ASH2L: variants seen among roughly 807,000 people sequenced by gnomAD.
The protein encoded by ASH2L is set1/Ash2 histone methyltransferase complex subunit ASH2.
Under a neutral mutation model 81.1 loss-of-function variants are expected in ASH2L, and 30 were observed. The observed-to-expected ratio is 0.37, with a 90% CI of 0.28 to 0.50. The LOEUF is 0.50. ASH2L is among the 20% of genes least tolerant of loss of function. ASH2L has a pLI of 0.95. For missense variants in ASH2L, 559 were observed against 792.1 expected (o/e 0.71, Z 3.53); for synonymous variants, 273 against 279.9 (o/e 0.98, Z 0.24).
intron 10 of ASH2L, among the ~76,000 whole-genome samples, chr8:38,126,800 G>A (rs1438549925): frequency 4.7e-5 from 7 of 149,464 alleles, no homozygotes; most frequent in Non-Finnish European, 3.0e-5. Context: ...CTTGCAGTGA[G>A]CAGAGATCGC....
intron 3 of ASH2L, among the ~76,000 whole-genome samples, chr8:38,107,713 A>G (rs1219435237): frequency 6.6e-6 from 1 of 151,990 alleles, no homozygotes; most frequent in Non-Finnish European, 1.5e-5. Context: ...TTTTCCTTAT[A>G]CTGACTGTCT....
intron 10 of ASH2L, among the ~76,000 whole-genome samples, chr8:38,127,619 G>T (rs1024560623): frequency 1.3e-5 from 2 of 151,188 alleles, no homozygotes; most frequent in Non-Finnish European, 2.9e-5. Flanking sequence ...GGTGGTGGGC[G>T]CCTGTAATCC....
chr8:38,107,183 G>C lies in ASH2L; in HGVS notation c.401+17G>C. On this transcript the variant is annotated intron_variant, in intron 3 of 15. Coordinates refer to ENST00000343823, the MANE Select transcript of ASH2L (RefSeq NM_004674.5). ...AGATACCTCGTGAGTACTTTTCATA[G>C]TTTTTGTGAGAATTGCTCGGTAAAA... is the stretch of plus-strand genomic sequence containing the variant. 2.5e-6 allele frequency: 4 copies of C among 1,612,050 alleles called. No homozygotes were observed. The highest frequency in any genetic ancestry group is 3.4e-6 in the Non-Finnish European group (4 of 1,178,158).
At chr8:38,123,082 C>CTTTTTTTT (rs59410420) in intron 10 of ASH2L, among the ~76,000 whole-genome samples, 12 of 100,912 alleles carry the variant, frequency 1.2e-4, no homozygotes, top group Admixed American at 1.4e-4. Context: ...TTCAGAATTT[C>CTTTTTTTT]TTTTTTTTTT....
chr8:38,125,331 G>A (rs1299856397), intron 10 of ASH2L, among the ~76,000 whole-genome samples: 1 of 151,964 alleles, frequency 6.6e-6, no homozygotes, highest in Non-Finnish European at 1.5e-5. Context: ...TAAAAATGCG[G>A]CTATTGGGGC....
chr8:38,108,921 A>T (rs976533372), intron 3 of ASH2L, among the ~76,000 whole-genome samples: 1 of 152,166 alleles, frequency 6.6e-6, no homozygotes. Flanking sequence ...CTCTACGAGA[A>T]ATAGAAAAAA....
rs377398123 is a variant in ASH2L at position 38,121,419 on chromosome 8, G to A, written c.1165+270G>A. 5.1e-5 allele frequency among the ~76,000 whole-genome samples: 7 copies of A among 138,176 alleles called. No homozygotes were observed. The Admixed American group carries it at 5.3e-4, about 10-fold the overall frequency. The allele number at this position is 138,176 out of a possible 152,430, so 90.6% of individuals were successfully genotyped here. ...TCTATTTTGAACTAATTTTAAACTT[G>A]CAGTAAAGTTGCCAAAAATAAGTTT... is the stretch of plus-strand genomic sequence containing the variant. On this transcript the variant is annotated intron_variant, in intron 10 of 15. Coordinates refer to ENST00000343823, the MANE Select transcript of ASH2L (RefSeq NM_004674.5).
chr8:38,118,153 A>T (rs1810986501), intron 8 of ASH2L, among the ~76,000 whole-genome samples: 1 of 152,260 alleles, frequency 6.6e-6, no homozygotes, highest in Non-Finnish European at 1.5e-5. Flanking sequence ...TATGAAAAAT[A>T]GGAATAACAT....
intron 15 of ASH2L, 36 bp from the exon 16 acceptor site, chr8:38,138,928 G>A (rs199688807): frequency 6.2e-7 from 1 of 1,613,714 alleles, no homozygotes; most frequent in East Asian, 2.2e-5. Context: ...CGTGGCTGCT[G>A]TAGTCACCGT....
At position 38,119,257 on chromosome 8, in the gene ASH2L, CT is replaced by C; in HGVS notation, c.854-11del. 6.5e-7 allele frequency: 1 copy of C among 1,548,956 alleles called. No homozygotes were observed. Among genetic ancestry groups the C allele is most frequent in the Admixed American group, 2.0e-5 (1 of 50,546 alleles). ...TTGTGGCTCATTGAAAGCAATCTGCCTTCTCTTCAAAGGGGGAATTGCAGCA... is the reference window on the plus strand; with the variant it reads ...TTGTGGCTCATTGAAAGCAATCTGCCTCTCTTCAAAGGGGGAATTGCAGCA... On this transcript the variant is annotated splice_polypyrimidine_tract_variant and intron_variant, in intron 8 of 15. Coordinates refer to ENST00000343823, the MANE Select transcript of ASH2L (RefSeq NM_004674.5).
In ASH2L at chr8:38,116,681, A is replaced by T; in HGVS notation, c.809A>T (p.Asn270Ile). 1 of 1,613,220 alleles carries T rather than the reference A, an allele frequency of 6.2e-7. No homozygotes were observed. Among genetic ancestry groups the T allele is most frequent in the Non-Finnish European group, 8.5e-7 (1 of 1,179,858 alleles). The change falls in exon 8 of 16, where the codon AAC (asparagine) becomes ATC (isoleucine). Residue 270 changes from asparagine to isoleucine, a missense_variant. Asn to Ile is a moderately radical substitution (Grantham distance 149). Coordinates refer to ENST00000343823, the MANE Select transcript of ASH2L (RefSeq NM_004674.5). ...DLSNIGPAYD[N>I]QKQSSAVSTS... ...AGTAACATTGGTCCTGCTTATGACA[A>T]CCAAAAACAGAGCAGTGCTGTGTCT...
chr8:38,133,495 A>G lies in ASH2L; in HGVS notation c.1569A>G (p.Lys523=), dbSNP rs1176303975. Residue 523 remains lysine, a synonymous_variant, in exon 13 of 16, where the codon AAA becomes AAG. Coordinates refer to ENST00000343823, the MANE Select transcript of ASH2L (RefSeq NM_004674.5). ...AGAGTTATTTGTATTTTGAGGAAAA[A>G]GACTTTGTGGATAAAGCAGAGAAGA... ...KFKSYLYFEE[K]DFVDKAEKSL... 6.2e-7 allele frequency: 1 copy of G among 1,611,058 alleles called. No individual in the cohort carries two copies. The highest frequency in any genetic ancestry group is 1.7e-5 in the Admixed American group (1 of 59,692).
At chr8:38,128,975 A>G (rs1184014415) in intron 12 of ASH2L, 24 bp downstream of exon 12, 1 of 1,601,300 alleles carries the variant, frequency 6.2e-7, no homozygotes, top group East Asian at 2.2e-5. Context: ...CTCCCGGCAG[A>G]TTCCTGGCTT....
intron 3 of ASH2L, among the ~76,000 whole-genome samples, chr8:38,108,703 C>G (rs531228640): frequency 6.6e-6 from 1 of 152,028 alleles, no homozygotes; most frequent in Admixed American, 6.6e-5. Flanking sequence ...TGCCTGTAGT[C>G]CCAGCTACTC....
chr8:38,121,568 C>T (rs1811153219), intron 10 of ASH2L, among the ~76,000 whole-genome samples: 1 of 151,734 alleles, frequency 6.6e-6, no homozygotes, highest in South Asian at 2.1e-4. Context: ...TCAATTTTAC[C>T]AGTTTTTCCA....
At chr8:38,105,930 C>T (rs1810406457) in intron 1 of ASH2L, 192 bp downstream of exon 1, 2 of 1,490,328 alleles carry the variant, frequency 1.3e-6, no homozygotes, top group South Asian at 1.3e-5. Flanking sequence ...GCACCTTTCA[C>T]GGGCGGTGGG....
rs1408337239 is a variant in ASH2L, at chr8:38,107,059, G to A, written c.294G>A (p.Gln98=). 2.5e-6 allele frequency: 4 copies of A among 1,614,118 alleles called. No homozygotes were observed. The highest frequency in any genetic ancestry group is 3.4e-6 in the Non-Finnish European group (4 of 1,179,972). Residue 98 remains glutamine (Q), a synonymous_variant, in exon 3 of 16, where the codon CAG becomes CAA. Coordinates refer to ENST00000343823, the MANE Select transcript of ASH2L (RefSeq NM_004674.5). ...AGDTSEVMDT[Q]AGSVDEENGR... Reference sequence around the variant, plus strand: ...ATACATCAGAGGTGATGGATACTCAGGCGGGCTCCGTGGATGAAGAGAATG... The same window carrying A: ...ATACATCAGAGGTGATGGATACTCAAGCGGGCTCCGTGGATGAAGAGAATG...
At chr8:38,133,376 T>C (rs1585608031) in intron 12 of ASH2L, 78 bp from the exon 13 acceptor site, 1 of 942,310 alleles carries the variant, frequency 1.1e-6, no homozygotes, top group East Asian at 2.4e-5. Flanking sequence ...GTTAACACTA[T>C]TTGTGTGCGG....
chr8:38,112,921 T>C (rs568793979), intron 5 of ASH2L, among the ~76,000 whole-genome samples: 8 of 152,274 alleles, frequency 5.3e-5, no homozygotes, highest in Non-Finnish European at 1.2e-4. Context: ...AATATCACTG[T>C]GGATTATTTT....
Sources: gnomAD v4.1 joint callset for allele counts (sites outside exome capture counted in the v4.1 genomes callset) on GRCh38, gnomAD v4.1.1 for gene constraint, MANE v1.5 for transcripts, NCBI Gene and HGNC (gene_info 2026-07-23, HGNC 2026-07-21) for gene names.